SAMMSON: variants seen among roughly 807,000 people sequenced by gnomAD.
The protein encoded by SAMMSON is long intergenic non-protein coding RNA 1212.
At chr3:70,206,905 A>G in intron 4 of SAMMSON, 1 of 395,092 alleles carries the variant, frequency 2.5e-6, no homozygotes, top group Non-Finnish European at 4.5e-6. Flanking sequence ...GTCTTAAGAA[A>G]ACAAATGAAG....
chr3:70,255,251 A>G (rs2106655818), intron 6 of SAMMSON, among the ~76,000 whole-genome samples: 1 of 152,356 alleles, frequency 6.6e-6, no homozygotes, highest in Non-Finnish European at 1.5e-5. Context: ...TTAGTGGACC[A>G]ATGACACATA....
chr3:70,430,478 A>G (rs9840539), intron 2 of SAMMSON, among the ~76,000 whole-genome samples: 34,186 of 152,026 alleles, frequency 0.22, 4,244 homozygotes, highest in African/African-American at 0.33. Context: ...AGAAGGAGTA[A>G]CATGGAGCAG....
chr3:70,143,191 G>T (rs1443060692), intron 4 of SAMMSON, among the ~76,000 whole-genome samples: 3 of 151,776 alleles, frequency 2.0e-5, no homozygotes, highest in Admixed American at 1.3e-4. Context: ...ATATTTGTTA[G>T]AAAGTAACAT....
At chr3:70,276,407 C>T (rs1185095695) in intron 6 of SAMMSON, among the ~76,000 whole-genome samples, 1 of 152,128 alleles carries the variant, frequency 6.6e-6, no homozygotes, top group Non-Finnish European at 1.5e-5. Flanking sequence ...TATAAGTAAA[C>T]ATTGTAACAA....
chr3:70,084,406 C>A (rs1165394190), intron 4 of SAMMSON, among the ~76,000 whole-genome samples: 1 of 152,200 alleles, frequency 6.6e-6, no homozygotes, highest in Non-Finnish European at 1.5e-5. Context: ...AATCATGCAG[C>A]CTGCTTCTAC....
intron 4 of SAMMSON, among the ~76,000 whole-genome samples, chr3:70,106,260 A>G (rs1201801431): frequency 6.6e-6 from 1 of 152,146 alleles, no homozygotes; most frequent in Non-Finnish European, 1.5e-5. Context: ...TAAACATTTA[A>G]ACCAGAGCTT....
chr3:70,263,947 G>A (rs1418172238), intron 6 of SAMMSON, among the ~76,000 whole-genome samples: 1 of 152,100 alleles, frequency 6.6e-6, no homozygotes, highest in Non-Finnish European at 1.5e-5. Flanking sequence ...ATTATTTCTA[G>A]TTCTTTAGGT....
At chr3:70,178,646 G>A (rs1469177908) in intron 4 of SAMMSON, among the ~76,000 whole-genome samples, 2 of 152,148 alleles carry the variant, frequency 1.3e-5, no homozygotes, top group Non-Finnish European at 2.9e-5. Flanking sequence ...AGCTTTTCTT[G>A]TTTGGGCCAT....
At chr3:70,393,099 G>A (rs183190107), downstream of SAMMSON, among the ~76,000 whole-genome samples, 7 of 152,314 alleles carry the variant, frequency 4.6e-5, no homozygotes, top group Non-Finnish European at 1.0e-4. Flanking sequence ...AAGCTTAAAT[G>A]TCTGAATATG....
intron 4 of SAMMSON, among the ~76,000 whole-genome samples, chr3:70,189,722 C>A (rs1460885276): frequency 1.3e-5 from 2 of 152,178 alleles, no homozygotes; most frequent in African/African-American, 4.8e-5. Context: ...GACTTTAATA[C>A]ACCATGATAA....
chr3:70,376,010 G>A (rs1343696537), intron 9 of SAMMSON, among the ~76,000 whole-genome samples: 1 of 152,078 alleles, frequency 6.6e-6, no homozygotes, highest in Admixed American at 6.6e-5. Context: ...TGATTTCTAA[G>A]AGGAGGTGAA....
intron 9 of SAMMSON, among the ~76,000 whole-genome samples, chr3:70,365,725 C>T (rs1338387995): frequency 1.3e-5 from 2 of 151,802 alleles, no homozygotes; most frequent in Non-Finnish European, 3.0e-5. Context: ...TCTAAAGTTA[C>T]TCTGAGCAGT....
chr3:70,136,497 C>T (rs1213518143), intron 4 of SAMMSON, among the ~76,000 whole-genome samples: 2 of 152,206 alleles, frequency 1.3e-5, no homozygotes, highest in Admixed American at 6.5e-5. Context: ...ATGATTGCAG[C>T]CCTGGCTGAC....
At chr3:70,415,445 A>G (rs181436362) in intron 2 of SAMMSON, among the ~76,000 whole-genome samples, 2 of 152,214 alleles carry the variant, frequency 1.3e-5, no homozygotes, top group Admixed American at 6.6e-5. Flanking sequence ...TGTCGGTGCC[A>G]ACCTGATTGT....
At chr3:70,419,182 G>A (rs981475705) in intron 2 of SAMMSON, among the ~76,000 whole-genome samples, 1 of 151,696 alleles carries the variant, frequency 6.6e-6, no homozygotes, top group Non-Finnish European at 1.5e-5. Flanking sequence ...TTGCCACCAC[G>A]CATGGCTAAT....
intron 7 of SAMMSON, among the ~76,000 whole-genome samples, chr3:70,347,871 C>G (rs554185209): frequency 6.6e-5 from 10 of 152,234 alleles, no homozygotes; most frequent in Admixed American, 2.0e-4. Context: ...GGCAAAGCCC[C>G]ATCTCTACCC....
intron 6 of SAMMSON, among the ~76,000 whole-genome samples, chr3:70,278,904 T>G (rs1184011111): frequency 6.6e-6 from 1 of 151,750 alleles, no homozygotes; most frequent in Admixed American, 6.6e-5. Context: ...GAGCTAGTGT[T>G]TGACATGTAT....
intron 4 of SAMMSON, among the ~76,000 whole-genome samples, chr3:70,223,719 A>C (rs529450398): frequency 1.3e-3 from 202 of 152,322 alleles, no homozygotes; most frequent in Admixed American, 2.4e-3. Flanking sequence ...AGCATCCTAG[A>C]ACAGGACCAG....
intron 2 of SAMMSON, among the ~76,000 whole-genome samples, chr3:70,431,825 T>C (rs1197347177): frequency 6.6e-6 from 1 of 152,070 alleles, no homozygotes; most frequent in African/African-American, 2.4e-5. Context: ...TTCATATAAA[T>C]GGATCACACA....
Sources: gnomAD v4.1 joint callset for allele counts (sites outside exome capture counted in the v4.1 genomes callset) on GRCh38, gnomAD v4.1.1 for gene constraint, MANE v1.5 for transcripts, NCBI Gene and HGNC (gene_info 2026-07-23, HGNC 2026-07-21) for gene names.